The following POC1A variants were observed in gnomAD, a reference collection of about 807,000 sequenced individuals.
The protein encoded by POC1A is POC1 centriolar protein A.
A neutral mutation model predicts 47.8 loss-of-function variants in POC1A; 34 were observed. That is an observed-to-expected ratio of 0.71 (90% CI 0.54 to 0.95). The LOEUF is 0.95. Ranked by LOEUF, POC1A falls within the 40% of genes least tolerant of loss-of-function variation. The pLI is 0.00. For missense variants in POC1A, 466 were observed against 528.3 expected, an observed-to-expected ratio of 0.88 and a Z score of 1.16; for synonymous variants, 177 against 207.6, an observed-to-expected ratio of 0.85 and a Z score of 1.27.
chr3:52,151,428 T>A (rs911575608), intron 1 of POC1A, among the ~76,000 whole-genome samples: 2 of 152,112 alleles, frequency 1.3e-5, no homozygotes, highest in Non-Finnish European at 2.9e-5. Flanking sequence ...ATAAAACTAT[T>A]TATGATACAT....
At chr3:52,091,688 T>A (rs776483594) in intron 10 of POC1A, among the ~76,000 whole-genome samples, 1 of 152,178 alleles carries the variant, frequency 6.6e-6, no homozygotes, top group East Asian at 1.9e-4. Flanking sequence ...AGTCCAGCGG[T>A]ATGGGGACTG....
chr3:52,113,657 G>A (rs1300458406), intron 9 of POC1A, among the ~76,000 whole-genome samples: 2 of 152,128 alleles, frequency 1.3e-5, no homozygotes, highest in Admixed American at 6.5e-5. Flanking sequence ...AACTAAGATC[G>A]CGCCACTACA....
chr3:52,099,002 T>G (rs1467521147), intron 9 of POC1A, among the ~76,000 whole-genome samples: 1 of 152,298 alleles, frequency 6.6e-6, no homozygotes. Context: ...TTCCCGGACA[T>G]GAGACAGCCT....
rs118075406 is a variant in POC1A at position 52,076,479 on chromosome 3, G to A, written c.1126-494C>T. ...TGGGTCCTTCCCCTCACACCTGGAA[G>A]AGCCTCCCAGGCTGGCAGGGGACAA... On this transcript the variant is annotated intron_variant, in intron 10 of 10. Coordinates refer to ENST00000296484, the MANE Select transcript of POC1A (RefSeq NM_015426.5). Among the ~76,000 whole-genome samples the A allele has an allele frequency of 1.6e-3, 251 of 152,314 alleles. 2 individuals are homozygous for A. The East Asian group carries it at 0.034, about 20-fold the overall frequency.
In POC1A at chr3:52,125,301, TC is replaced by T. The variant is rs1209537223; in HGVS notation, c.814-121del. 2.9e-4 allele frequency: 232 copies of T among 791,294 alleles called. 2 individuals are homozygous for T. The African/African-American group carries it at 3.7e-3, about 13-fold the overall frequency. The allele number at this position is 791,294 out of a possible 1,614,324, so 49.0% of individuals were successfully genotyped here. A position where few individuals can be genotyped will look rare whatever the true frequency, so the allele number is the denominator to read the frequency against. ...GCAGGATAAAGGACCGAGAGCCCAC[TC>T]AGCCCACAGTCCTCCGTAACCTGTA... On this transcript the variant is annotated intron_variant, in intron 7 of 10. Coordinates refer to ENST00000296484, the MANE Select transcript of POC1A (RefSeq NM_015426.5).
Position 52,123,595 on chromosome 3 carries a change from A to G in POC1A, c.883-1118T>C, listed in dbSNP as rs1367208798. ...GGATGGCGTCTAGGGTCGTGCACAT[A>G]TCACCTTAGAAACAGAATGTTAGCA... On this transcript the variant is annotated intron_variant, in intron 8 of 10. Coordinates refer to ENST00000296484, the MANE Select transcript of POC1A (RefSeq NM_015426.5). 2.0e-5 allele frequency among the ~76,000 whole-genome samples: 3 copies of G among 152,202 alleles called. No individual in the cohort carries two copies. The East Asian group carries it at 5.8e-4, about 29-fold the overall frequency.
chr3:52,125,680 T>C (rs1024374823), intron 7 of POC1A, among the ~76,000 whole-genome samples: 7 of 152,004 alleles, frequency 4.6e-5, no homozygotes, highest in South Asian at 2.1e-4. Context: ...AGACAGGGCA[T>C]AGTTCAAGGC....
chr3:52,123,618 G>GCA (rs940674759), intron 8 of POC1A, among the ~76,000 whole-genome samples: 4 of 152,180 alleles, frequency 2.6e-5, no homozygotes, highest in African/African-American at 4.8e-5. Flanking sequence ...CAGAATGTTA[G>GCA]CACACACACA....
intron 9 of POC1A, among the ~76,000 whole-genome samples, chr3:52,103,520 C>T (rs534619558): frequency 6.6e-6 from 1 of 151,862 alleles, no homozygotes; most frequent in African/African-American, 2.4e-5. Context: ...AGCAAGACTT[C>T]GTCTCAAAAA....
At chr3:52,111,902 G>C (rs1432071162) in intron 9 of POC1A, among the ~76,000 whole-genome samples, 1 of 152,122 alleles carries the variant, frequency 6.6e-6, no homozygotes, top group Non-Finnish European at 1.5e-5. Flanking sequence ...GGAGACAGGT[G>C]GCCTGGAGAA....
chr3:52,091,123 A>G (rs1577814738), intron 10 of POC1A, among the ~76,000 whole-genome samples: 1 of 151,964 alleles, frequency 6.6e-6, no homozygotes, highest in South Asian at 2.1e-4. Context: ...CAGGTGAGTG[A>G]CCCCAGGGCA....
rs763403992 is a variant in POC1A at position 52,075,958 on chromosome 3, T to A, written c.1153A>T (p.Thr385Ser). ...TGCTTCAGCTTGTCTTCTGTCAGTG[T>A]CAACCGCTGCTCCAGAATGGAGACT... Reference protein sequence around the residue: ...QTVSILEQRLTLTEDKLKQCL... With the variant: ...QTVSILEQRLSLTEDKLKQCL... The change falls in exon 11 of 11, where the codon ACA (threonine) becomes TCA (serine). Residue 385 changes from threonine (T) to serine (S), a missense_variant. Physicochemically the swap from Thr to Ser is moderately conservative, Grantham distance 58 (BLOSUM62 1). Coordinates refer to ENST00000296484, the MANE Select transcript of POC1A (RefSeq NM_015426.5). 2 of 1,613,986 alleles carry A rather than the reference T, an allele frequency of 1.2e-6. No homozygotes were observed. Among genetic ancestry groups the A allele is most frequent in the Admixed American group, 3.3e-5 (2 of 60,028 alleles).
chr3:52,101,473 A>G (rs988920865), intron 9 of POC1A, among the ~76,000 whole-genome samples: 1 of 152,214 alleles, frequency 6.6e-6, no homozygotes, highest in African/African-American at 2.4e-5. Context: ...AAACTATGAG[A>G]TACAAAATTT....
At chr3:52,111,476 G>A (rs1488172890) in intron 9 of POC1A, among the ~76,000 whole-genome samples, 2 of 152,018 alleles carry the variant, frequency 1.3e-5, no homozygotes, top group Non-Finnish European at 2.9e-5. Context: ...GTGAAACCCT[G>A]TCTCTACTAA....
chr3:52,092,209 G>C (rs1702665608), intron 10 of POC1A, among the ~76,000 whole-genome samples: 1 of 152,238 alleles, frequency 6.6e-6, no homozygotes, highest in African/African-American at 2.4e-5. Context: ...GCCAGGGCAA[G>C]GATGTGTCTG....
intron 6 of POC1A, among the ~76,000 whole-genome samples, chr3:52,145,624 C>T (rs900619215): frequency 6.6e-6 from 1 of 152,202 alleles, no homozygotes; most frequent in Non-Finnish European, 1.5e-5. Flanking sequence ...TTGACTGGCT[C>T]AGTGGAAGCC....
intron 10 of POC1A, among the ~76,000 whole-genome samples, chr3:52,096,187 C>T (rs1577826496): frequency 6.6e-6 from 1 of 152,250 alleles, no homozygotes; most frequent in Admixed American, 6.5e-5. Context: ...AAACTCATAG[C>T]CTAGGTTCTC....
chr3:52,149,479 C>T (rs1698481599), intron 3 of POC1A, 90 bp from the exon 4 acceptor site: 1 of 1,259,382 alleles, frequency 7.9e-7, no homozygotes, highest in Non-Finnish European at 1.1e-6. Context: ...TCCTCAAGCA[C>T]CCCTCCCAAA....
intron 6 of POC1A, among the ~76,000 whole-genome samples, chr3:52,142,656 C>T (rs1240412707): frequency 4.6e-5 from 7 of 152,210 alleles, no homozygotes; most frequent in Admixed American, 4.6e-4. Flanking sequence ...GCCTGATGCC[C>T]ATCCAGAGTC....
Sources: gnomAD v4.1 joint callset for allele counts (sites outside exome capture counted in the v4.1 genomes callset) on GRCh38, gnomAD v4.1.1 for gene constraint, MANE v1.5 for transcripts, NCBI Gene and HGNC (gene_info 2026-07-23, HGNC 2026-07-21) for gene names.